The following PTPRC variants were observed in gnomAD, a reference collection of about 807,000 sequenced individuals.
The protein encoded by PTPRC is receptor-type tyrosine-protein phosphatase C.
PTPRC carries 44 observed loss-of-function variants against 155.9 expected under a neutral mutation model. The ratio of observed to expected loss-of-function variants is 0.28; its 90% CI spans 0.22 to 0.36. PTPRC has a LOEUF of 0.36. Among genes scored for constraint, PTPRC ranks in the 10% least tolerant of loss-of-function variants. The pLI is 1.00. For synonymous variants in PTPRC, 525 were observed against 533.1 expected (o/e 0.98, Z 0.21); for missense variants, 1,401 against 1,564.6 (o/e 0.90, Z 1.76).
At chr1:198,729,802 A>C (rs1654306484) in intron 17 of PTPRC, among the ~76,000 whole-genome samples, 1 of 152,160 alleles carries the variant, frequency 6.6e-6, no homozygotes, top group Non-Finnish European at 1.5e-5. Context: ...GAATGTGTAT[A>C]GTTCTATAGA....
intron 2 of PTPRC, among the ~76,000 whole-genome samples, chr1:198,682,028 A>G (rs1399123273): frequency 6.6e-6 from 1 of 152,208 alleles, no homozygotes; most frequent in Non-Finnish European, 1.5e-5. Flanking sequence ...TTCCTTTCCT[A>G]TAAAGACTCA....
chr1:198,663,374 C>T (rs1664093361), intron 2 of PTPRC, among the ~76,000 whole-genome samples: 1 of 152,128 alleles, frequency 6.6e-6, no homozygotes, highest in African/African-American at 2.4e-5. Flanking sequence ...TATAAGATTC[C>T]TTCATCCAAT....
chr1:198,647,291 G>A (rs1407159958), intron 2 of PTPRC, among the ~76,000 whole-genome samples: 1 of 151,804 alleles, frequency 6.6e-6, no homozygotes, highest in Non-Finnish European at 1.5e-5. Context: ...GCAGCAACTG[G>A]TGAGCTCATG....
chr1:198,698,818 A>T (rs540817500), intron 4 of PTPRC, among the ~76,000 whole-genome samples: 65 of 152,104 alleles, frequency 4.3e-4, no homozygotes, highest in Non-Finnish European at 8.8e-4. Flanking sequence ...TATAAAATGT[A>T]TACTTTATAT....
At chr1:198,718,350 G>A (rs1168604634) in intron 14 of PTPRC, 48 bp downstream of exon 14, 2 of 1,430,518 alleles carry the variant, frequency 1.4e-6, no homozygotes, top group Non-Finnish European at 1.9e-6. Flanking sequence ...ACATTATAAT[G>A]ATTGATTCAT....
intron 2 of PTPRC, among the ~76,000 whole-genome samples, chr1:198,659,782 T>C (rs1188010647): frequency 2.0e-5 from 3 of 151,872 alleles, no homozygotes; most frequent in Non-Finnish European, 1.5e-5. Flanking sequence ...CCTCAGGTGA[T>C]CTGCCCGCCT....
chr1:198,720,083 T>C (rs183264338), intron 14 of PTPRC, among the ~76,000 whole-genome samples: 2 of 152,316 alleles, frequency 1.3e-5, no homozygotes, highest in Admixed American at 1.3e-4. Context: ...CATTGTCACA[T>C]TCTAAGAGAA....
chr1:198,686,880 G>T (rs1286788212), intron 2 of PTPRC, among the ~76,000 whole-genome samples: 1 of 152,118 alleles, frequency 6.6e-6, no homozygotes, highest in Admixed American at 6.6e-5. Flanking sequence ...AACAACTTAG[G>T]TAACTACATC....
At chr1:198,716,888 G>A (rs1415959829) in intron 13 of PTPRC, 48 bp downstream of exon 13, 1 of 1,565,452 alleles carries the variant, frequency 6.4e-7, no homozygotes, top group Non-Finnish European at 8.8e-7. Context: ...TAAAAAGCAA[G>A]GTATGAACTT....
chr1:198,680,963 T>C (rs1025526319), intron 2 of PTPRC, among the ~76,000 whole-genome samples: 1 of 152,204 alleles, frequency 6.6e-6, no homozygotes, highest in Admixed American at 6.5e-5. Context: ...ACCAGCTGTG[T>C]CTTCCTTTTG....
chr1:198,733,206 A>T (rs2102487716), intron 20 of PTPRC, among the ~76,000 whole-genome samples: 1 of 151,842 alleles, frequency 6.6e-6, no homozygotes, highest in Non-Finnish European at 1.5e-5. Context: ...GACTGAAAAA[A>T]TTCTTTTTGT....
intron 2 of PTPRC, among the ~76,000 whole-genome samples, chr1:198,684,258 G>T (rs1221221164): frequency 6.6e-6 from 1 of 151,182 alleles, no homozygotes; most frequent in African/African-American, 2.4e-5. Context: ...TATATAACAT[G>T]ATGTTTTAAA....
chr1:198,749,664 C>T, intron 28 of PTPRC, 115 bp downstream of exon 28: 1 of 977,728 alleles, frequency 1.0e-6, no homozygotes, highest in Non-Finnish European at 1.6e-6. Flanking sequence ...GTCATAACTA[C>T]ATATAGATTG....
At chr1:198,669,211 C>A (rs1016155280) in intron 2 of PTPRC, among the ~76,000 whole-genome samples, 3 of 152,094 alleles carry the variant, frequency 2.0e-5, no homozygotes, top group African/African-American at 7.2e-5. Context: ...GAGTTCAAAC[C>A]GTGGTAGATT....
At chr1:198,751,785 G>C (rs1655397200) in intron 29 of PTPRC, among the ~76,000 whole-genome samples, 1 of 152,024 alleles carries the variant, frequency 6.6e-6, no homozygotes, top group Non-Finnish European at 1.5e-5. Context: ...GCTGCTTATG[G>C]TGTTGGTCAA....
chr1:198,739,236 C>G (rs1323735533), intron 23 of PTPRC, among the ~76,000 whole-genome samples: 2 of 151,588 alleles, frequency 1.3e-5, no homozygotes, highest in Non-Finnish European at 3.0e-5. Flanking sequence ...TCAGTAATAA[C>G]ATTGAATATC....
At chr1:198,728,533 T>C (rs565325967) in intron 16 of PTPRC, 85 bp downstream of exon 16, 658 of 1,503,640 alleles carry the variant, frequency 4.4e-4, no homozygotes, top group Non-Finnish European at 5.8e-4. Flanking sequence ...TGGAACCAGT[T>C]AAATGAAATA....
intron 2 of PTPRC, chr1:198,679,461 C>G (rs1665170730): frequency 6.7e-6 from 1 of 149,698 alleles, no homozygotes; most frequent in Non-Finnish European, 1.5e-5. Flanking sequence ...CCATGTTGGC[C>G]AGCATGGTCT....
intron 16 of PTPRC, among the ~76,000 whole-genome samples, chr1:198,728,757 A>G (rs1480404712): frequency 6.6e-6 from 1 of 152,334 alleles, no homozygotes; most frequent in East Asian, 1.9e-4. Flanking sequence ...TGTCAAAAGA[A>G]AAAGAAAGGA....
Sources: allele counts gnomAD v4.1 joint callset (sites outside exome capture counted in the v4.1 genomes callset), GRCh38; gene constraint gnomAD v4.1.1; transcripts MANE v1.5; gene names NCBI Gene and HGNC (gene_info 2026-07-23, HGNC 2026-07-21).